The following HAUS6 variants were observed in gnomAD, a reference collection of about 807,000 sequenced individuals.
HAUS6 encodes HAUS augmin-like complex subunit 6.
HAUS6 carries 80 observed loss-of-function variants against 106.8 expected under a neutral mutation model. That is an observed-to-expected ratio of 0.75 (90% CI 0.63 to 0.90). The LOEUF is 0.90. Ranked by LOEUF, HAUS6 falls within the 40% of genes least tolerant of loss-of-function variation. HAUS6 has a pLI of 0.00. For synonymous variants in HAUS6, 356 were observed against 379.1 expected (o/e 0.94, Z 0.71); for missense variants, 1,155 against 1,118.1 (o/e 1.03, Z -0.47).
At chr9:19,099,148 G>A (rs926081291) in intron 1 of HAUS6, among the ~76,000 whole-genome samples, 3 of 150,004 alleles carry the variant, frequency 2.0e-5, no homozygotes, top group African/African-American at 4.9e-5. Flanking sequence ...AAATAATGGG[G>A]TTTTTTTTGT....
rs917252880 is a variant in HAUS6 at position 19,063,079 on chromosome 9, C to G, written c.1558G>C (p.Ala520Pro). 5 of 1,610,408 alleles carry G rather than the reference C, an allele frequency of 3.1e-6. No homozygotes were observed. The highest frequency in any genetic ancestry group is 4.2e-6 in the Non-Finnish European group (5 of 1,178,038). Residue 520 changes from alanine to proline, a missense_variant, in exon 14 of 17, where the codon GCA (alanine) becomes CCA (proline). By Grantham distance (27) the Ala-to-Pro change is conservative. Around this residue, in one of 3 missense-constraint regions of HAUS6, gnomAD observed 761 missense variants for 690.0 expected, o/e 1.10. Coordinates refer to ENST00000380502, the MANE Select transcript of HAUS6 (RefSeq NM_017645.5). ...TTAGCTGGCAAAGACCCTCCAAATG[C>G]ACTACTCTCTGTATTCTTTGCAACA... ...SDVAKNTESS[A>P]FGGSLPAKKS...
chr9:19,053,975 C>A lies in HAUS6; in HGVS notation c.*2368G>T, dbSNP rs1469190737. On this transcript the variant is annotated 3_prime_UTR_variant, in exon 17 of 17. Coordinates refer to ENST00000380502, the MANE Select transcript of HAUS6 (RefSeq NM_017645.5). ...TAAAAAATATATAATAAAATCAATT[C>A]GTGGGATATTAAATGAATAAAAAGA... 1.3e-5 allele frequency: 2 copies of A among 151,970 alleles called. No homozygotes were observed. Among genetic ancestry groups the A allele is most frequent in the Middle Eastern group, 3.4e-3 (1 of 292 alleles). The allele number at this position is 151,970 out of a possible 1,614,324, so 9.4% of individuals were successfully genotyped here.
chr9:19,075,796 A>G (rs903783850), intron 11 of HAUS6, among the ~76,000 whole-genome samples: 14 of 150,298 alleles, frequency 9.3e-5, no homozygotes, highest in African/African-American at 3.4e-4. Flanking sequence ...TCTACTAAAA[A>G]TACAAAAAAA....
intron 11 of HAUS6, among the ~76,000 whole-genome samples, chr9:19,075,773 G>A (rs1161934026): frequency 6.6e-6 from 1 of 151,930 alleles, no homozygotes; most frequent in African/African-American, 2.4e-5. Flanking sequence ...GGCCAACATG[G>A]TGAAACTCCG....
chr9:19,066,501 T>C (rs1836762392), intron 12 of HAUS6, among the ~76,000 whole-genome samples: 1 of 152,030 alleles, frequency 6.6e-6, no homozygotes, highest in South Asian at 2.1e-4. Flanking sequence ...CTTTGAAATG[T>C]GGTATAGGAG....
intron 12 of HAUS6, among the ~76,000 whole-genome samples, chr9:19,069,355 G>T (rs959347386): frequency 6.6e-6 from 1 of 152,168 alleles, no homozygotes; most frequent in African/African-American, 2.4e-5. Context: ...GATCTTTTCT[G>T]AAAATGTGGG....
At chr9:19,065,937 T>G (rs976011484) in intron 12 of HAUS6, among the ~76,000 whole-genome samples, 12 of 107,722 alleles carry the variant, frequency 1.1e-4, no homozygotes, top group Non-Finnish European at 2.1e-4. Context: ...AGCCAAAAAT[T>G]TTTTTTTTTT....
rs770277839 is a variant in HAUS6, at chr9:19,087,164, A to G, written c.585-8T>C. 1 of 1,406,382 alleles carries G rather than the reference A, an allele frequency of 7.1e-7. No individual in the cohort carries two copies. 87.1% of individuals were successfully genotyped at this position (1,406,382 alleles called of 1,614,324 possible). ...ACCTGCTTAACTGATAATCTGCAAG[A>G]AAACATACAAAATGACAACTATAAT... is the stretch of plus-strand genomic sequence containing the variant. On this transcript the variant is annotated splice_region_variant and splice_polypyrimidine_tract_variant and intron_variant, in intron 5 of 16. Transcript: ENST00000380502.
chr9:19,065,342 T>C lies in HAUS6; in HGVS notation c.1377-1762A>G, dbSNP rs530741862. Among the ~76,000 whole-genome samples the C allele has an allele frequency of 1.1e-4, 16 of 152,280 alleles. No homozygotes were observed. The South Asian group carries it at 3.3e-3, about 32-fold the overall frequency. ...ACAAAACAGAAGGATGGTGATCCCC[T>C]TGTGGAAATTTATCCTAAGGGAAGA... On this transcript the variant is annotated intron_variant, in intron 12 of 16. Coordinates refer to ENST00000380502, the MANE Select transcript of HAUS6 (RefSeq NM_017645.5).
intron 8 of HAUS6, among the ~76,000 whole-genome samples, chr9:19,081,189 AC>A (rs1206021463): frequency 6.6e-6 from 1 of 152,202 alleles, no homozygotes; most frequent in Non-Finnish European, 1.5e-5. Context: ...ATGCCTTGCT[AC>A]ATTTTTTGCT....
At chr9:19,088,401 G>A (rs928145132) in intron 5 of HAUS6, among the ~76,000 whole-genome samples, 1 of 146,508 alleles carries the variant, frequency 6.8e-6, no homozygotes, top group Non-Finnish European at 1.5e-5. Context: ...GGGCAACAGA[G>A]TGAGACTCCG....
intron 12 of HAUS6, among the ~76,000 whole-genome samples, chr9:19,064,466 G>A (rs1446463679): frequency 6.6e-6 from 1 of 152,100 alleles, no homozygotes; most frequent in Non-Finnish European, 1.5e-5. Flanking sequence ...AATTTATGCA[G>A]CTTTTCATGC....
At chr9:19,075,194 G>C (rs1230809162) in intron 11 of HAUS6, among the ~76,000 whole-genome samples, 1 of 152,172 alleles carries the variant, frequency 6.6e-6, no homozygotes, top group East Asian at 1.9e-4. Flanking sequence ...GGGAAATCTG[G>C]AGACAGAAAA....
chr9:19,096,444 A>T (rs1192452604), intron 2 of HAUS6, among the ~76,000 whole-genome samples: 1 of 151,784 alleles, frequency 6.6e-6, no homozygotes, highest in African/African-American at 2.4e-5. Flanking sequence ...AGTCACCTAT[A>T]ATCCCAGCTA....
chr9:19,063,421 G>T, intron 13 of HAUS6, 93 bp downstream of exon 13: 2 of 700,582 alleles, frequency 2.9e-6, no homozygotes, highest in Non-Finnish European at 4.7e-6. Context: ...TGTGAAATTA[G>T]AAATTAAATT....
intron 15 of HAUS6, among the ~76,000 whole-genome samples, chr9:19,059,681 G>A (rs772077168): frequency 6.6e-6 from 1 of 152,174 alleles, no homozygotes; most frequent in Non-Finnish European, 1.5e-5. Context: ...CATTTGGGAG[G>A]GGTAAAGACC....
chr9:19,087,846 CAAAAAAAAA>C, intron 5 of HAUS6, among the ~76,000 whole-genome samples: 1 of 78,740 alleles, frequency 1.3e-5, no homozygotes, highest in East Asian at 4.8e-4. Context: ...GACCTTGTCT[CAAAAAAAAA>C]AAAAAAAAAA....
Position 19,086,753 on chromosome 9 carries a change from A to T in HAUS6, c.680T>A (p.Met227Lys), listed in dbSNP as rs375437357. ...KMEPYDDHSN[M>K]EEKIQKVRSL... ...TCTCACCTTTTGAATTTTTTCTTCC[A>T]TATTACTGTGGTCATCATAGGGTTC... The change falls in exon 7 of 17, where the codon ATG becomes AAG. Residue 227 changes from methionine (M) to lysine (K), a missense_variant. This residue lies in a region of HAUS6 where 761 missense variants were observed against 690.0 expected (regional missense o/e 1.10). Coordinates refer to ENST00000380502, the MANE Select transcript of HAUS6 (RefSeq NM_017645.5). 4 of 1,249,346 alleles carry T rather than the reference A, an allele frequency of 3.2e-6. No homozygotes were observed. In the African/African-American group the frequency reaches 4.5e-5, roughly 14 times the overall value. 77.4% of individuals were successfully genotyped at this position (1,249,346 alleles called of 1,614,324 possible).
At chr9:19,097,469 C>T (rs1356176920) in intron 1 of HAUS6, among the ~76,000 whole-genome samples, 1 of 151,994 alleles carries the variant, frequency 6.6e-6, no homozygotes, top group Non-Finnish European at 1.5e-5. Flanking sequence ...CAAAAGAAGA[C>T]ATTTATGCAG....
Sources: gnomAD v4.1 joint callset for allele counts (sites outside exome capture counted in the v4.1 genomes callset) on GRCh38, gnomAD v4.1.1 for gene constraint, gnomAD v4.1.1 regional missense constraint, MANE v1.5 for transcripts, NCBI Gene and HGNC (gene_info 2026-07-23, HGNC 2026-07-21) for gene names.